GZF1: variants seen among roughly 807,000 people sequenced by gnomAD.
GZF1 encodes GDNF-inducible zinc finger protein 1.
GZF1 carries 28 observed loss-of-function variants against 49.4 expected under a neutral mutation model. That is an observed-to-expected ratio of 0.57 (90% CI 0.42 to 0.78). The LOEUF (loss-of-function observed/expected upper bound fraction) is 0.78, where lower values mean the gene tolerates loss of function less well. Ranked by LOEUF, GZF1 falls within the 30% of genes least tolerant of loss-of-function variation. The probability of loss-of-function intolerance (pLI) is 0.00; values close to 1 mark genes in which losing one functional copy is unlikely to be tolerated. For synonymous variants in GZF1, 364 were observed against 356.0 expected (o/e 1.02, Z -0.25); for missense variants, 798 against 916.2 (o/e 0.87, Z 1.67).
intron 3 of GZF1, among the ~76,000 whole-genome samples, chr20:23,367,461 GA>G: frequency 6.6e-6 from 1 of 152,142 alleles, no homozygotes; most frequent in Non-Finnish European, 1.5e-5. Flanking sequence ...TTTTAACTAA[GA>G]ATGGGAAACA....
rs1161593345 is a variant in GZF1 at position 23,370,265 on chromosome 20, C to G, written c.1960C>G (p.Gln654Glu). 1 of 1,614,034 alleles carries G rather than the reference C, an allele frequency of 6.2e-7. No homozygotes were observed. The highest frequency in any genetic ancestry group is 8.5e-7 in the Non-Finnish European group (1 of 1,180,032). Residue 654 changes from glutamine (Q) to glutamate (E), a missense_variant, in exon 6 of 6, where the codon CAA (glutamine) becomes GAA (glutamate). Gln to Glu is a conservative substitution (Grantham distance 29, BLOSUM62 2). Coordinates refer to ENST00000338121, the MANE Select transcript of GZF1 (RefSeq NM_022482.5). ...NGHFHNLAAV[Q>E]DTVPTMQENS... ...CCATTTCCACAACCTGGCTGCAGTC[C>G]AAGACACTGTACCTACCATGCAGGA...
chr20:23,370,048 C>T (rs2096232222), intron 5 of GZF1, 43 bp from the exon 6 acceptor site: 1 of 1,509,658 alleles, frequency 6.6e-7, no homozygotes. Context: ...TGCACTTGTC[C>T]AGAGACACAT....
At chr20:23,366,917 G>T (rs766793016) in intron 2 of GZF1, 86 bp from the exon 3 acceptor site, 1 of 927,964 alleles carries the variant, frequency 1.1e-6, no homozygotes. Context: ...TGGAGTAAAC[G>T]ATTTTTGCAG....
At position 23,364,348 on chromosome 20, in the gene GZF1, G is replaced by C; in HGVS notation, c.-21-15G>C. ...CAGTGGTTGCTCATGCATAATTCTT[G>C]TTTCTTTTTCAAAGCTGTTTTTGGA... On this transcript the variant is annotated splice_polypyrimidine_tract_variant and intron_variant, in intron 1 of 5. Coordinates refer to ENST00000338121, the MANE Select transcript of GZF1 (RefSeq NM_022482.5). 2 of 1,474,908 alleles carry C rather than the reference G, an allele frequency of 1.4e-6. No individual in the cohort carries two copies. The highest frequency in any genetic ancestry group is 1.8e-6 in the Non-Finnish European group (2 of 1,092,804). 91.4% of individuals were successfully genotyped at this position (1,474,908 alleles called of 1,614,324 possible).
chr20:23,364,996 C>G lies in GZF1; in HGVS notation c.613C>G (p.Leu205Val). Residue 205 changes from leucine (L) to valine (V), a missense_variant, in exon 2 of 6, where the codon CTA becomes GTA. Leu to Val is a conservative substitution (Grantham distance 32, BLOSUM62 1). This residue lies in a region of GZF1 where 247 missense variants were observed against 228.5 expected (regional missense o/e 1.08). Coordinates refer to ENST00000338121, the MANE Select transcript of GZF1 (RefSeq NM_022482.5). ...DLPPKKSKDKLDKKKEVVKPP... is the reference protein window; with the variant it reads ...DLPPKKSKDKVDKKKEVVKPP... ...GCCACCGAAGAAGTCCAAGGACAAA[C>G]TAGACAAGAAGAAAGAGGTAGTTAA... is the stretch of plus-strand genomic sequence containing the variant. 1 of 1,614,210 alleles carries G rather than the reference C, an allele frequency of 6.2e-7. No homozygotes were observed. Among genetic ancestry groups the G allele is most frequent in the Non-Finnish European group, 8.5e-7 (1 of 1,180,050 alleles).
At chr20:23,368,675 C>T in intron 3 of GZF1, 87 bp from the exon 4 acceptor site, 1 of 915,284 alleles carries the variant, frequency 1.1e-6, no homozygotes, top group Non-Finnish European at 1.5e-6. Context: ...CTTTTGAGTT[C>T]ACGTGGGTTT....
At position 23,370,357 on chromosome 20, in the gene GZF1, C is replaced by T. The variant is rs1250140426; in HGVS notation, c.2052C>T (p.Ala684=). The change falls in exon 6 of 6, where the codon GCC becomes GCT. Residue 684 remains alanine, a synonymous_variant. Coordinates refer to ENST00000338121, the MANE Select transcript of GZF1 (RefSeq NM_022482.5). ...TGGTGTCCCAGGACACCCTCCTGGCCACCACCATCAGTGAGCTTAGCGAGC... is the reference window on the plus strand; with the variant it reads ...TGGTGTCCCAGGACACCCTCCTGGCTACCACCATCAGTGAGCTTAGCGAGC... ...DSVVSQDTLL[A]TTISELSELT... is the part of the protein sequence containing the mutation. 5 of 1,614,034 alleles carry T rather than the reference C, an allele frequency of 3.1e-6. No homozygotes were observed. Among genetic ancestry groups the T allele is most frequent in the Non-Finnish European group, 3.4e-6 (4 of 1,179,904 alleles).
rs1190224812 is a variant in GZF1, at chr20:23,364,589, G to T, written c.206G>T (p.Ser69Ile). 1 of 1,614,118 alleles carries T rather than the reference G, an allele frequency of 6.2e-7. No homozygotes were observed. The highest frequency in any genetic ancestry group is 8.5e-7 in the Non-Finnish European group (1 of 1,180,056). The change falls in exon 2 of 6, where the codon AGT becomes ATT. Residue 69 changes from serine to isoleucine, a missense_variant. Physicochemically the swap from Ser to Ile is moderately radical, Grantham distance 142. This residue lies in a region of GZF1 where 105 missense variants were observed against 147.5 expected (regional missense o/e 0.71). Transcript: ENST00000338121. The part of the protein sequence containing the change: ...FFKEVFLNEK[S>I]VDGTRTNVYL... ...AAGGAAGTGTTCCTTAATGAGAAGA[G>T]TGTGGATGGTACTAGGACTAATGTC... is the stretch of plus-strand genomic sequence containing the variant.
Position 23,364,852 on chromosome 20 carries a change from GT to G in GZF1, c.471del (p.Ser158ValfsTer48), listed in dbSNP as rs1568583627. ...QEVEVSSGSQ[V>X]SAAPAPRASV... ...GGTGGAGGTGAGCAGTGGCTCCCAAGTTAGTGCTGCTCCTGCCCCCAGGGCA... is the reference window on the plus strand; with the variant it reads ...GGTGGAGGTGAGCAGTGGCTCCCAAGTAGTGCTGCTCCTGCCCCCAGGGCA... On this transcript the variant is annotated frameshift_variant, in exon 2 of 6. Transcript: ENST00000338121. LOFTEE classifies it high-confidence loss of function. 6.2e-7 allele frequency: 1 copy of G among 1,614,228 alleles called. No individual in the cohort carries two copies. The highest frequency in any genetic ancestry group is 8.5e-7 in the Non-Finnish European group (1 of 1,180,036).
chr20:23,367,283 C>T (rs1470733761), intron 3 of GZF1, among the ~76,000 whole-genome samples, 186 bp downstream of exon 3: 1 of 152,146 alleles, frequency 6.6e-6, no homozygotes, highest in African/African-American at 2.4e-5. Flanking sequence ...GTGCACATGG[C>T]TGTGGCTTTT....
At position 23,365,007 on chromosome 20, in the gene GZF1, G is replaced by A; in HGVS notation, c.624G>A (p.Lys208=). ...PKKSKDKLDK[K]KEVVKPPYPK... Reference sequence around the variant, plus strand: ...AGTCCAAGGACAAACTAGACAAGAAGAAAGAGGTAGTTAAACCTCCCTACC... The same window carrying A: ...AGTCCAAGGACAAACTAGACAAGAAAAAAGAGGTAGTTAAACCTCCCTACC... Residue 208 remains lysine, a synonymous_variant, in exon 2 of 6, where the codon AAG becomes AAA. Transcript: ENST00000338121. 6.2e-7 allele frequency: 1 copy of A among 1,614,222 alleles called. No homozygotes were observed. The highest frequency in any genetic ancestry group is 8.5e-7 in the Non-Finnish European group (1 of 1,180,038).
chr20:23,370,267 A>G lies in GZF1; in HGVS notation c.1962A>G (p.Gln654=), dbSNP rs746439815. The change falls in exon 6 of 6, where the codon CAA becomes CAG. Residue 654 remains glutamine (Q), a synonymous_variant. Coordinates refer to ENST00000338121, the MANE Select transcript of GZF1 (RefSeq NM_022482.5). ...NGHFHNLAAV[Q]DTVPTMQENS... ...ATTTCCACAACCTGGCTGCAGTCCA[A>G]GACACTGTACCTACCATGCAGGAGA... The G allele has an allele frequency of 8.7e-6, 14 of 1,614,128 alleles. No individual in the cohort carries two copies. In the East Asian group the frequency reaches 2.9e-4, roughly 33 times the overall value.
chr20:23,367,201 G>A (rs975798951), intron 3 of GZF1, 104 bp downstream of exon 3: 2 of 763,840 alleles, frequency 2.6e-6, no homozygotes, highest in East Asian at 5.2e-5. Context: ...GCAGGTTAAA[G>A]CCATGATATA....
chr20:23,363,278 A>G (rs1980909774), intron 1 of GZF1: 1 of 152,402 alleles, frequency 6.6e-6, no homozygotes, highest in Non-Finnish European at 1.5e-5. Context: ...GAAGGAAGGC[A>G]TGTGCTTTGG....
In GZF1 at chr20:23,365,156, A is replaced by G; in HGVS notation, c.773A>G (p.Tyr258Cys). 6.2e-7 allele frequency: 1 copy of G among 1,613,860 alleles called. No homozygotes were observed. The highest frequency in any genetic ancestry group is 8.5e-7 in the Non-Finnish European group (1 of 1,179,984). Reference sequence around the variant, plus strand: ...ACTGCTGAGGGTGATGTGGGGGACTACAGGTGTCCCCAGGACCAAAGCCCG... The same window carrying G: ...ACTGCTGAGGGTGATGTGGGGGACTGCAGGTGTCCCCAGGACCAAAGCCCG... The part of the protein sequence containing the change: ...QKTAEGDVGD[Y>C]RCPQDQSPDR... Residue 258 changes from tyrosine to cysteine, a missense_variant, in exon 2 of 6, where the codon TAC becomes TGC. This residue lies in a region of GZF1 where 247 missense variants were observed against 228.5 expected (regional missense o/e 1.08). Coordinates refer to ENST00000338121, the MANE Select transcript of GZF1 (RefSeq NM_022482.5).
Position 23,365,328 on chromosome 20 carries a change from C to T in GZF1, c.945C>T (p.Ser315=), listed in dbSNP as rs757676888. 7.5e-6 allele frequency: 12 copies of T among 1,608,606 alleles called. No homozygotes were observed. The highest frequency in any genetic ancestry group is 1.0e-5 in the Non-Finnish European group (12 of 1,176,644). ...ACGAAGAAGGGGAGAAGAAGAAGAG[C>T]AACTTTAAGTGCAGCATTTGCGAGA... ...EEDEEGEKKK[S]NFKCSICEKA... The change falls in exon 2 of 6, where the codon AGC becomes AGT. Residue 315 remains serine, a synonymous_variant. Transcript: ENST00000338121.
In GZF1 at chr20:23,364,347, T is replaced by C; in HGVS notation, c.-21-16T>C. 1 of 1,465,436 alleles carries C rather than the reference T, an allele frequency of 6.8e-7. No individual in the cohort carries two copies. Among genetic ancestry groups the C allele is most frequent in the Non-Finnish European group, 9.2e-7 (1 of 1,084,380 alleles). The allele number at this position is 1,465,436 out of a possible 1,614,324, so 90.8% of individuals were successfully genotyped here. On this transcript the variant is annotated splice_polypyrimidine_tract_variant and intron_variant, in intron 1 of 5. Coordinates refer to ENST00000338121, the MANE Select transcript of GZF1 (RefSeq NM_022482.5). ...TCAGTGGTTGCTCATGCATAATTCT[T>C]GTTTCTTTTTCAAAGCTGTTTTTGG...
At position 23,369,652 on chromosome 20, in the gene GZF1, C is replaced by G. The variant is rs139522387; in HGVS notation, c.1696C>G (p.Arg566Gly). 7 of 1,613,116 alleles carry G rather than the reference C, an allele frequency of 4.3e-6. No homozygotes were observed. In the African/African-American group the frequency reaches 9.4e-5, roughly 22 times the overall value. ...CCAGCTCAACGCCCTCCAGCGCCAC[C>G]GCCGCATCCACACAGGGGAGAGGCC... ...FTQLNALQRH[R>G]RIHTGERPFM... Residue 566 changes from arginine to glycine, a missense_variant, in exon 5 of 6, where the codon CGC becomes GGC. Coordinates refer to ENST00000338121, the MANE Select transcript of GZF1 (RefSeq NM_022482.5).
Position 23,364,786 on chromosome 20 carries a change from T to G in GZF1, c.403T>G (p.Ser135Ala). ...CFQLKKQMLESVLLELQNFSE... is the reference protein window; with the variant it reads ...CFQLKKQMLEAVLLELQNFSE... ...TCAATTAAAGAAACAGATGTTAGAG[T>G]CAGTACTTTTGGAGTTGCAAAATTT... Residue 135 changes from serine to alanine, a missense_variant, in exon 2 of 6, where the codon TCA becomes GCA. Around this residue, in one of 3 missense-constraint regions of GZF1, gnomAD observed 247 missense variants for 228.5 expected, o/e 1.08. Coordinates refer to ENST00000338121, the MANE Select transcript of GZF1 (RefSeq NM_022482.5). The G allele has an allele frequency of 1.2e-6, 2 of 1,614,226 alleles. No homozygotes were observed. The highest frequency in any genetic ancestry group is 1.7e-6 in the Non-Finnish European group (2 of 1,180,050).
Sources: gnomAD v4.1 joint callset for allele counts (sites outside exome capture counted in the v4.1 genomes callset) on GRCh38, gnomAD v4.1.1 for gene constraint, gnomAD v4.1.1 regional missense constraint, MANE v1.5 for transcripts, NCBI Gene and HGNC (gene_info 2026-07-23, HGNC 2026-07-21) for gene names.